Variants in DLGAP1 observed in about 807,000 individuals in gnomAD.
DLGAP1 encodes disks large-associated protein 1.
A neutral mutation model predicts 90.8 loss-of-function variants in DLGAP1; 11 were observed. The ratio of observed to expected loss-of-function variants is 0.12; its 90% CI spans 0.08 to 0.20. The LOEUF is 0.20. Among genes scored for constraint, DLGAP1 ranks in the 10% least tolerant of loss-of-function variants. The pLI is 1.00. For synonymous variants in DLGAP1, 558 were observed against 540.7 expected, an observed-to-expected ratio of 1.03 and a Z score of -0.44; for missense variants, 1,050 against 1,333.8, an observed-to-expected ratio of 0.79 and a Z score of 3.31.
At chr18:4,354,682 C>T (rs565028298) in intron 1 of DLGAP1, among the ~76,000 whole-genome samples, 3 of 151,678 alleles carry the variant, frequency 2.0e-5, no homozygotes, top group East Asian at 3.9e-4. Flanking sequence ...TCTTTTTTGC[C>T]CCTACACTGC....
At chr18:3,822,601 C>A (rs1473048681) in intron 4 of DLGAP1, among the ~76,000 whole-genome samples, 1 of 152,168 alleles carries the variant, frequency 6.6e-6, no homozygotes, top group Non-Finnish European at 1.5e-5. Flanking sequence ...GGGTTTGAAG[C>A]TTGTTCCCAT....
At chr18:3,840,139 T>C (rs953003435) in intron 4 of DLGAP1, among the ~76,000 whole-genome samples, 5 of 152,230 alleles carry the variant, frequency 3.3e-5, no homozygotes, top group African/African-American at 1.2e-4. Context: ...AATATCATCT[T>C]TTTTATATTA....
chr18:3,892,739 G>C (rs1388524057), intron 3 of DLGAP1, among the ~76,000 whole-genome samples: 1 of 152,032 alleles, frequency 6.6e-6, no homozygotes, highest in Non-Finnish European at 1.5e-5. Context: ...GAGTTAAGGA[G>C]TGTGAAAACA....
In DLGAP1 at chr18:3,885,100, T is replaced by C. The variant is rs145064506; in HGVS notation, c.-72-4960A>G. ...TCTAAAATCCTAAGGCCATTGGCAA[T>C]GGGTAGACAATTGCTGGTGGCACCT... On this transcript the variant is annotated intron_variant, in intron 3 of 12. Transcript: ENST00000315677. 8.5e-5 allele frequency among the ~76,000 whole-genome samples: 13 copies of C among 152,342 alleles called. No individual in the cohort carries two copies. The East Asian group carries it at 2.5e-3, about 29-fold the overall frequency.
intron 3 of DLGAP1, among the ~76,000 whole-genome samples, chr18:4,003,343 T>C (rs1331193515): frequency 1.1e-4 from 17 of 151,888 alleles, no homozygotes; most frequent in Admixed American, 1.0e-3. Flanking sequence ...GACTGAGATT[T>C]AAGGGATAGG....
At chr18:3,744,263 A>G (rs2063176024) in intron 5 of DLGAP1, among the ~76,000 whole-genome samples, 1 of 152,188 alleles carries the variant, frequency 6.6e-6, no homozygotes. Context: ...GGAAATCCTC[A>G]AGGTAGCTAG....
chr18:3,765,331 C>G (rs1426032390), intron 5 of DLGAP1, among the ~76,000 whole-genome samples: 1 of 150,082 alleles, frequency 6.7e-6, no homozygotes, highest in Non-Finnish European at 1.5e-5. Context: ...GGGGTTTCAC[C>G]ATGTTAGCCA....
intron 10 of DLGAP1, among the ~76,000 whole-genome samples, chr18:3,523,663 C>T (rs1232001): frequency 0.48 from 71,940 of 151,390 alleles, 18,878 homozygotes; most frequent in East Asian, 0.64. Flanking sequence ...CTGGCTAACA[C>T]GGTGAAACCC....
chr18:4,291,480 T>C (rs1298845219), intron 1 of DLGAP1, among the ~76,000 whole-genome samples: 1 of 152,200 alleles, frequency 6.6e-6, no homozygotes, highest in African/African-American at 2.4e-5. Flanking sequence ...AAAATTCCAA[T>C]TGTTACCAGG....
At chr18:4,025,531 G>C (rs185013417) in intron 2 of DLGAP1, among the ~76,000 whole-genome samples, 1 of 152,230 alleles carries the variant, frequency 6.6e-6, no homozygotes, top group East Asian at 1.9e-4. Context: ...CTTCAGGGTG[G>C]TAAAGTGATT....
intron 1 of DLGAP1, among the ~76,000 whole-genome samples, chr18:4,186,879 G>T (rs1283060799): frequency 6.6e-6 from 1 of 152,124 alleles, no homozygotes; most frequent in Non-Finnish European, 1.5e-5. Context: ...TAATGATATT[G>T]ATTCTTCCTA....
Position 3,624,345 on chromosome 18 carries a change from T to C in DLGAP1, c.1592-42097A>G, listed in dbSNP as rs375873626. 1.3e-3 allele frequency among the ~76,000 whole-genome samples: 198 copies of C among 152,338 alleles called. 3 individuals are homozygous for C. The highest frequency in any genetic ancestry group is 4.5e-3 in the African/African-American group (189 of 41,580). On this transcript the variant is annotated intron_variant, in intron 7 of 12. Transcript: ENST00000315677. ...CTGAGCACAGGCAGGGATGTGTGCC[T>C]GTCGCCCTGGGCCGCTGTCCCCTGA...
At chr18:4,249,250 A>G (rs1216818070) in intron 1 of DLGAP1, among the ~76,000 whole-genome samples, 2 of 152,204 alleles carry the variant, frequency 1.3e-5, no homozygotes, top group Non-Finnish European at 2.9e-5. Flanking sequence ...TTCATTTCCA[A>G]TGCAGAGAAC....
chr18:4,449,184 A>G (rs16946847), intron 1 of DLGAP1, among the ~76,000 whole-genome samples: 19,804 of 152,272 alleles, frequency 0.13, 1,489 homozygotes, highest in South Asian at 0.22. Flanking sequence ...TTAAAGGGTC[A>G]GAATAAAGTA....
intron 1 of DLGAP1, among the ~76,000 whole-genome samples, chr18:4,308,711 GA>G: frequency 2.0e-5 from 3 of 152,306 alleles, no homozygotes; most frequent in Admixed American, 2.0e-4. Context: ...ACTCAAGTAG[GA>G]AAGGGGAAGA....
chr18:4,397,309 C>A (rs2082461240), intron 1 of DLGAP1, among the ~76,000 whole-genome samples: 2 of 152,180 alleles, frequency 1.3e-5, no homozygotes, highest in Non-Finnish European at 2.9e-5. Flanking sequence ...CTTCAGAAAG[C>A]TGATTTTGGT....
chr18:3,977,907 T>C, intron 3 of DLGAP1: 2 of 365,948 alleles, frequency 5.5e-6, no homozygotes, highest in Non-Finnish European at 1.1e-5. Context: ...GTCAGGTCCA[T>C]GACCAACACG....
chr18:3,706,036 C>T (rs984493700), intron 7 of DLGAP1, among the ~76,000 whole-genome samples: 3 of 141,794 alleles, frequency 2.1e-5, no homozygotes, highest in Non-Finnish European at 3.0e-5. Context: ...CAGGCTGGAT[C>T]GCCCAGGCTG....
chr18:3,583,367 TTTC>T (rs1169566679), intron 7 of DLGAP1, among the ~76,000 whole-genome samples: 5 of 151,978 alleles, frequency 3.3e-5, no homozygotes, highest in Admixed American at 6.6e-5. Context: ...CGTCTCCCTC[TTTC>T]TTGTCTTTCC....
Sources: allele counts gnomAD v4.1 joint callset (sites outside exome capture counted in the v4.1 genomes callset), GRCh38; gene constraint gnomAD v4.1.1; transcripts MANE v1.5; gene names NCBI Gene and HGNC (gene_info 2026-07-23, HGNC 2026-07-21).